Variants in PPFIBP1 observed in about 807,000 individuals in gnomAD.
PPFIBP1 encodes PPFIB scaffold protein 1.
Under a neutral mutation model 137.8 loss-of-function variants are expected in PPFIBP1, and 112 were observed. That is an observed-to-expected ratio of 0.81 (90% CI 0.70 to 0.95). The LOEUF (loss-of-function observed/expected upper bound fraction) is 0.95, where lower values mean the gene tolerates loss of function less well. PPFIBP1 is among the 40% of genes least tolerant of loss of function. PPFIBP1 has a pLI of 0.00. For synonymous variants in PPFIBP1, 378 were observed against 417.3 expected (o/e 0.91, Z 1.15); for missense variants, 1,083 against 1,196.6 (o/e 0.91, Z 1.40).
chr12:27,678,856 C>CAAAAAAAAAAAAAAAAAAAAAAAAAA (rs60834907), intron 19 of PPFIBP1, among the ~76,000 whole-genome samples: 4 of 98,960 alleles, frequency 4.0e-5, no homozygotes, highest in Non-Finnish European at 5.7e-5. Flanking sequence ...GACTCTGTCT[C>CAAAAAAAAAAAAAAAAAAAAAAAAAA]AAAAAAAAAA....
intron 2 of PPFIBP1, among the ~76,000 whole-genome samples, chr12:27,604,453 C>T (rs2054304847): frequency 6.6e-6 from 1 of 152,172 alleles, no homozygotes; most frequent in African/African-American, 2.4e-5. Flanking sequence ...TGGCTATTCT[C>T]ATCAGTCATC....
intron 2 of PPFIBP1, among the ~76,000 whole-genome samples, chr12:27,583,826 C>T (rs1339415816): frequency 6.6e-6 from 1 of 152,184 alleles, no homozygotes; most frequent in Non-Finnish European, 1.5e-5. Flanking sequence ...ACAGAAAACA[C>T]CAAGTACCTC....
intron 1 of PPFIBP1, among the ~76,000 whole-genome samples, chr12:27,563,178 A>G (rs1432181734): frequency 1.4e-5 from 2 of 147,272 alleles, no homozygotes; most frequent in Non-Finnish European, 3.0e-5. Context: ...GTGGTGGCTC[A>G]CACCTTTAAT....
At chr12:27,646,266 A>G (rs749158158) in intron 5 of PPFIBP1, 118 bp downstream of exon 5, 22 of 793,334 alleles carry the variant, frequency 2.8e-5, no homozygotes, top group Admixed American at 1.6e-4. Flanking sequence ...TAAGCCTGAT[A>G]AGCCATCTGT....
intron 2 of PPFIBP1, among the ~76,000 whole-genome samples, chr12:27,630,665 T>A (rs2057198091): frequency 6.6e-6 from 1 of 152,152 alleles, no homozygotes; most frequent in African/African-American, 2.4e-5. Context: ...GTACAAGTGG[T>A]TTTCAGTTAC....
intron 5 of PPFIBP1, 23 bp from the exon 6 acceptor site, chr12:27,647,706 G>A: frequency 6.8e-7 from 1 of 1,476,216 alleles, no homozygotes; most frequent in Non-Finnish European, 9.2e-7. Context: ...TTCACTCATT[G>A]CATTATTTTG....
chr12:27,597,807 T>C (rs2053494660), intron 2 of PPFIBP1, among the ~76,000 whole-genome samples: 3 of 152,140 alleles, frequency 2.0e-5, no homozygotes, highest in Non-Finnish European at 2.9e-5. Context: ...TTTATGTATT[T>C]ATTTATTTAT....
At chr12:27,566,867 G>A (rs1366457801) in intron 1 of PPFIBP1, among the ~76,000 whole-genome samples, 1 of 152,200 alleles carries the variant, frequency 6.6e-6, no homozygotes, top group Non-Finnish European at 1.5e-5. Flanking sequence ...AAAGGGAGTT[G>A]AGGAGGGAAA....
At chr12:27,642,075 T>C (rs1026374735) in intron 4 of PPFIBP1, among the ~76,000 whole-genome samples, 18 of 152,250 alleles carry the variant, frequency 1.2e-4, no homozygotes, top group African/African-American at 3.6e-4. Context: ...GAATTCGTTT[T>C]CCGGGTGAGG....
chr12:27,616,042 C>A (rs769777789), intron 2 of PPFIBP1, among the ~76,000 whole-genome samples: 1 of 152,174 alleles, frequency 6.6e-6, no homozygotes, highest in Non-Finnish European at 1.5e-5. Flanking sequence ...CGCTTGGGTA[C>A]TTACTAAGCA....
intron 2 of PPFIBP1, among the ~76,000 whole-genome samples, chr12:27,622,152 C>A (rs1333374393): frequency 6.6e-6 from 1 of 152,164 alleles, no homozygotes; most frequent in Non-Finnish European, 1.5e-5. Context: ...CCATCCTCCC[C>A]ATTTGTTGGG....
intron 1 of PPFIBP1, among the ~76,000 whole-genome samples, chr12:27,528,318 G>A (rs993244134): frequency 6.6e-6 from 1 of 152,142 alleles, no homozygotes; most frequent in Non-Finnish European, 1.5e-5. Flanking sequence ...TCAACCAAAG[G>A]TGGATAACTT....
At position 27,692,884 on chromosome 12, in the gene PPFIBP1, C is replaced by T. The variant is rs747548449; in HGVS notation, c.*2C>T. On this transcript the variant is annotated 3_prime_UTR_variant, in exon 30 of 30. Transcript: ENST00000228425. ...ACAGATGAAGACTCAAACGTTTGAC[C>T]GTAGCACCTGGATGAACATTAGGAG... 9 of 1,613,998 alleles carry T rather than the reference C, an allele frequency of 5.6e-6. No individual in the cohort carries two copies. Among genetic ancestry groups the T allele is most frequent in the Admixed American group, 1.7e-5 (1 of 60,006 alleles).
intron 2 of PPFIBP1, among the ~76,000 whole-genome samples, chr12:27,586,002 T>A (rs1033918547): frequency 6.6e-5 from 10 of 152,210 alleles, no homozygotes; most frequent in Non-Finnish European, 1.2e-4. Context: ...TATTCTGTAG[T>A]CATTAGGAAC....
intron 2 of PPFIBP1, among the ~76,000 whole-genome samples, chr12:27,585,108 C>G (rs116760973): frequency 1.3e-5 from 2 of 152,332 alleles, no homozygotes; most frequent in Non-Finnish European, 2.9e-5. Flanking sequence ...GTATCATGCT[C>G]ATTTTCGTGC....
rs1468794250 is a variant in PPFIBP1, at chr12:27,654,765, A to G, written c.647A>G (p.Glu216Gly). 1.2e-6 allele frequency: 2 copies of G among 1,612,044 alleles called. No individual in the cohort carries two copies. Among genetic ancestry groups the G allele is most frequent in the African/African-American group, 2.7e-5 (2 of 74,868 alleles). The part of the protein sequence containing the change: ...EINDLRLKVS[E>G]MDSERLQYEK... The stretch of plus-strand genomic sequence containing the variant: ...AATGATTTGAGGTTAAAAGTTAGTG[A>G]AATGGACAGTGAGAGACTTCAGTAT... The change falls in exon 8 of 30, where the codon GAA becomes GGA. Residue 216 changes from glutamate to glycine, a missense_variant. Glu to Gly is a moderately conservative substitution (Grantham distance 98). Coordinates refer to ENST00000228425, the MANE Select transcript of PPFIBP1 (RefSeq NM_003622.4).
intron 1 of PPFIBP1, among the ~76,000 whole-genome samples, chr12:27,544,097 G>A (rs1945969842): frequency 6.6e-6 from 1 of 151,958 alleles, no homozygotes; most frequent in Non-Finnish European, 1.5e-5. Context: ...ATCCAGGCTG[G>A]TCTCAAACTC....
intron 4 of PPFIBP1, among the ~76,000 whole-genome samples, chr12:27,645,538 C>T (rs773547299): frequency 6.6e-5 from 10 of 152,034 alleles, no homozygotes; most frequent in East Asian, 5.8e-4. Flanking sequence ...GGTTACCAAA[C>T]GAATTATAGG....
At chr12:27,566,738 G>A (rs1227372273) in intron 1 of PPFIBP1, among the ~76,000 whole-genome samples, 1 of 152,188 alleles carries the variant, frequency 6.6e-6, no homozygotes, top group Non-Finnish European at 1.5e-5. Flanking sequence ...TTTTATAGAT[G>A]AGGACCCTGA....
Sources: allele counts gnomAD v4.1 joint callset (sites outside exome capture counted in the v4.1 genomes callset), GRCh38; gene constraint gnomAD v4.1.1; transcripts MANE v1.5; gene names NCBI Gene and HGNC (gene_info 2026-07-23, HGNC 2026-07-21).